SMPDL3B: variants seen among roughly 807,000 people sequenced by gnomAD.
The protein encoded by SMPDL3B is acid sphingomyelinase-like phosphodiesterase 3b.
SMPDL3B carries 31 observed loss-of-function variants against 37.9 expected under a neutral mutation model. The observed-to-expected ratio is 0.82, with a 90% CI of 0.61 to 1.10. The LOEUF (loss-of-function observed/expected upper bound fraction) is 1.10. Among genes scored for constraint, SMPDL3B ranks in the 50% least tolerant of loss-of-function variants. The pLI, the probability that SMPDL3B is intolerant of heterozygous loss-of-function variation, is 0.00. For missense variants in SMPDL3B, 525 were observed against 597.8 expected (o/e 0.88, Z 1.27); for synonymous variants, 235 against 242.6 (o/e 0.97, Z 0.29).
intron 3 of SMPDL3B, among the ~76,000 whole-genome samples, chr1:27,952,047 G>A (rs992792386): frequency 6.6e-5 from 10 of 152,210 alleles, no homozygotes; most frequent in Non-Finnish European, 1.5e-5. Context: ...CATTCCAGGA[G>A]TAGAAGACAT....
Position 27,945,492 on chromosome 1 carries a change from T to C in SMPDL3B, c.275+47T>C. 1.4e-6 allele frequency: 2 copies of C among 1,464,550 alleles called. No individual in the cohort carries two copies. Among genetic ancestry groups the C allele is most frequent in the Non-Finnish European group, 1.9e-6 (2 of 1,047,086 alleles). The allele number at this position is 1,464,550 out of a possible 1,614,324, so 90.7% of individuals were successfully genotyped here. A position where few individuals can be genotyped will look rare whatever the true frequency, so the allele number is the denominator to read the frequency against. On this transcript the variant is annotated intron_variant, in intron 2 of 7. Coordinates refer to ENST00000373894, the MANE Select transcript of SMPDL3B (RefSeq NM_014474.4). This position sits in a 1 kb window ranked among gnomAD's most constrained non-coding sequence, Gnocchi z 4.0. Reference sequence around the variant, plus strand: ...GCTACCCTTTGCCAGGCATCTGCTATGTGCTACATACCAGTCTGGCCCTTT... The same window carrying C: ...GCTACCCTTTGCCAGGCATCTGCTACGTGCTACATACCAGTCTGGCCCTTT...
intron 1 of SMPDL3B, among the ~76,000 whole-genome samples, chr1:27,940,982 C>T (rs1432721774): frequency 2.0e-5 from 3 of 152,160 alleles, no homozygotes; most frequent in Non-Finnish European, 4.4e-5. Flanking sequence ...GAGAGGCAGG[C>T]CAGATGTCAA....
intron 3 of SMPDL3B, among the ~76,000 whole-genome samples, chr1:27,950,607 C>T (rs550371892): frequency 7.1e-4 from 108 of 152,278 alleles, no homozygotes; most frequent in Middle Eastern, 3.4e-3. Flanking sequence ...GCACACGCCA[C>T]CACGCCCTAC....
chr1:27,946,389 C>T (rs1214203179), intron 2 of SMPDL3B, among the ~76,000 whole-genome samples: 1 of 152,014 alleles, frequency 6.6e-6, no homozygotes, highest in Admixed American at 6.6e-5. Flanking sequence ...AAAAAGATAC[C>T]CCCATCTCCT....
chr1:27,953,358 GGTACCAACACCACC>G lies in SMPDL3B; in HGVS notation c.517+1_517+14del. On this transcript the variant is annotated splice_donor_variant and splice_donor_5th_base_variant and intron_variant, in intron 4 of 7. Transcript: ENST00000373894. LOFTEE classifies it high-confidence loss of function. ...TGAGTCCATCGCTCTCTTCAAAAAA[GGTACCAACACCACC>G]TGCTCCTATCAAGAGCACTTACTGT... is the stretch of plus-strand genomic sequence containing the variant. 1 of 1,609,408 alleles carries G rather than the reference GGTACCAACACCACC, an allele frequency of 6.2e-7. No individual in the cohort carries two copies. Among genetic ancestry groups the G allele is most frequent in the Non-Finnish European group, 8.5e-7 (1 of 1,178,254 alleles).
chr1:27,950,104 G>A (rs2148678465), intron 3 of SMPDL3B, among the ~76,000 whole-genome samples: 1 of 152,170 alleles, frequency 6.6e-6, no homozygotes, highest in East Asian at 1.9e-4. Flanking sequence ...TACTTAAGAG[G>A]CCCAAATCCT....
intron 2 of SMPDL3B, among the ~76,000 whole-genome samples, chr1:27,948,256 A>G (rs1443031852): frequency 6.6e-6 from 1 of 152,212 alleles, no homozygotes; most frequent in East Asian, 1.9e-4. Flanking sequence ...TTGCAGTGTT[A>G]TAATGGGGAA....
intron 1 of SMPDL3B, among the ~76,000 whole-genome samples, chr1:27,942,632 G>A (rs531620702): frequency 6.6e-6 from 1 of 150,526 alleles, no homozygotes; most frequent in South Asian, 2.1e-4. Flanking sequence ...TTAAAAGAGT[G>A]TACCACCATG....
chr1:27,948,870 C>T, intron 2 of SMPDL3B, 195 bp from the exon 3 acceptor site: 1 of 956,118 alleles, frequency 1.0e-6, no homozygotes, highest in Non-Finnish European at 1.6e-6. Flanking sequence ...ATCAAGGGAC[C>T]CACAGCAGGA....
chr1:27,949,052 T>C lies in SMPDL3B; in HGVS notation c.276-13T>C. ...AGTTGCCTGCCCCAAATTGGCTTGGTGGTGTTTTGTAGTGATGACACGCCT... is the reference window on the plus strand; with the variant it reads ...AGTTGCCTGCCCCAAATTGGCTTGGCGGTGTTTTGTAGTGATGACACGCCT... On this transcript the variant is annotated splice_polypyrimidine_tract_variant and intron_variant, in intron 2 of 7. Coordinates refer to ENST00000373894, the MANE Select transcript of SMPDL3B (RefSeq NM_014474.4). The C allele has an allele frequency of 6.2e-7, 1 of 1,614,088 alleles. No homozygotes were observed. The highest frequency in any genetic ancestry group is 8.5e-7 in the Non-Finnish European group (1 of 1,179,982).
At chr1:27,950,517 A>G (rs6659676) in intron 3 of SMPDL3B, among the ~76,000 whole-genome samples, 93,625 of 152,098 alleles carry the variant, frequency 0.62, 28,889 homozygotes, top group South Asian at 0.76. Flanking sequence ...ACAGTGGCAC[A>G]ATCAAGGGTC....
rs1209396813 is a variant in SMPDL3B, at chr1:27,949,160, C to T, written c.371C>T (p.Pro124Leu). 6.2e-7 allele frequency: 1 copy of T among 1,614,168 alleles called. No individual in the cohort carries two copies. The highest frequency in any genetic ancestry group is 1.1e-5 in the South Asian group (1 of 91,082). The change falls in exon 3 of 8, where the codon CCA becomes CTA. Residue 124 changes from proline to leucine, a missense_variant and splice_region_variant. By Grantham distance (98) the Pro-to-Leu change is moderately conservative. Coordinates refer to ENST00000373894, the MANE Select transcript of SMPDL3B (RefSeq NM_014474.4). ...ACCAAGCTCATCAGAGAGGTCTTTCCAGGTAAGACTGTGCCATCAGTCCCT... is the reference window on the plus strand; with the variant it reads ...ACCAAGCTCATCAGAGAGGTCTTTCTAGGTAAGACTGTGCCATCAGTCCCT... ...RLTKLIREVF[P>L]DTKVYAALGN... is the part of the protein sequence containing the mutation.
intron 3 of SMPDL3B, among the ~76,000 whole-genome samples, chr1:27,952,084 C>T (rs148122846): frequency 6.3e-4 from 96 of 152,270 alleles, no homozygotes; most frequent in Non-Finnish European, 1.1e-3. Context: ...CCAGGTCGCA[C>T]CCTCATGGAG....
intron 2 of SMPDL3B, among the ~76,000 whole-genome samples, chr1:27,946,598 G>A (rs1457705535): frequency 6.6e-6 from 1 of 152,140 alleles, no homozygotes; most frequent in Admixed American, 6.6e-5. Context: ...ACTTCACAGG[G>A]CACATGATCC....
In SMPDL3B at chr1:27,954,511, C is replaced by T; in HGVS notation, c.675C>T (p.Ser225=). Residue 225 remains serine (S), a synonymous_variant, in exon 5 of 8, where the codon TCC becomes TCT. Transcript: ENST00000373894. The part of the protein sequence containing the change: ...QWLEDVLTDA[S]KAGDMVYIVG... ...TGGAAGATGTGCTGACCGATGCATC[C>T]AAAGCTGGGGACATGGTAAGAGGCC... 1.2e-6 allele frequency: 2 copies of T among 1,613,860 alleles called. No individual in the cohort carries two copies. The highest frequency in any genetic ancestry group is 1.7e-4 in the Middle Eastern group (1 of 6,058).
chr1:27,947,197 C>T (rs895110970), intron 2 of SMPDL3B, among the ~76,000 whole-genome samples: 1 of 151,990 alleles, frequency 6.6e-6, no homozygotes, highest in South Asian at 2.1e-4. Context: ...CCACCACGCC[C>T]GGCTAATTTT....
intron 1 of SMPDL3B, among the ~76,000 whole-genome samples, chr1:27,938,333 T>C (rs989767073): frequency 6.6e-6 from 1 of 152,220 alleles, no homozygotes; most frequent in Admixed American, 6.5e-5. Context: ...GAAAATCCCT[T>C]GCTTAAGTTG....
Position 27,949,084 on chromosome 1 carries a change from C to T in SMPDL3B, c.295C>T (p.Pro99Ser). The change falls in exon 3 of 8, where the codon CCC becomes TCC. Residue 99 changes from proline (P) to serine (S), a missense_variant. By Grantham distance (74) the Pro-to-Ser change is moderately conservative. Coordinates refer to ENST00000373894, the MANE Select transcript of SMPDL3B (RefSeq NM_014474.4). ...LWTGDDTPHV[P>S]DEKLGEAAVL... Reference sequence around the variant, plus strand: ...TTGTAGTGATGACACGCCTCATGTGCCCGATGAGAAACTGGGAGAGGCAGC... The same window carrying T: ...TTGTAGTGATGACACGCCTCATGTGTCCGATGAGAAACTGGGAGAGGCAGC... 1.2e-6 allele frequency: 2 copies of T among 1,614,164 alleles called. No individual in the cohort carries two copies. Among genetic ancestry groups the T allele is most frequent in the South Asian group, 2.2e-5 (2 of 91,080 alleles).
chr1:27,952,840 C>A (rs1325935049), intron 3 of SMPDL3B, among the ~76,000 whole-genome samples: 3 of 152,216 alleles, frequency 2.0e-5, no homozygotes, highest in African/African-American at 7.2e-5. Flanking sequence ...GTGACGCAGA[C>A]CCTTTCCCTA....
Sources: gnomAD v4.1 joint callset for allele counts (sites outside exome capture counted in the v4.1 genomes callset) on GRCh38, gnomAD v4.1.1 for gene constraint, Gnocchi (gnomAD v3.1) non-coding constraint, MANE v1.5 for transcripts, NCBI Gene and HGNC (gene_info 2026-07-23, HGNC 2026-07-21) for gene names.